Variants in VTI1A observed in about 807,000 individuals in gnomAD.
VTI1A encodes vesicle transport through interaction with t-SNAREs 1A.
VTI1A carries 22 observed loss-of-function variants against 34.9 expected under a neutral mutation model. That is an observed-to-expected ratio of 0.63 (90% confidence interval 0.45 to 0.90). The LOEUF is 0.90. Among genes scored for constraint, VTI1A ranks in the 40% least tolerant of loss-of-function variants. The pLI is 0.00. For missense variants in VTI1A, 268 were observed against 275.6 expected (o/e 0.97, Z 0.20); for synonymous variants, 87 against 97.3 (o/e 0.89, Z 0.62).
intron 7 of VTI1A, among the ~76,000 whole-genome samples, chr10:112,714,982 A>G (rs1849553551): frequency 6.6e-6 from 1 of 152,232 alleles, no homozygotes; most frequent in Admixed American, 6.5e-5. Flanking sequence ...ATTAAAACCA[A>G]AACTTACCCA....
intron 5 of VTI1A, among the ~76,000 whole-genome samples, chr10:112,566,416 G>C (rs1327707538): frequency 6.6e-6 from 1 of 152,056 alleles, no homozygotes; most frequent in African/African-American, 2.4e-5. Context: ...TAAATTTTAA[G>C]AATAATCAAA....
chr10:112,497,865 C>T (rs2134144523), intron 3 of VTI1A, among the ~76,000 whole-genome samples: 1 of 152,258 alleles, frequency 6.6e-6, no homozygotes, highest in South Asian at 2.1e-4. Flanking sequence ...CTCTCATGTA[C>T]AGTCTCACAT....
At chr10:112,716,505 G>A (rs1849619218) in intron 7 of VTI1A, among the ~76,000 whole-genome samples, 1 of 152,260 alleles carries the variant, frequency 6.6e-6, no homozygotes, top group South Asian at 2.1e-4. Flanking sequence ...CTAAGTTGGG[G>A]TTCCTGGAGT....
intron 5 of VTI1A, among the ~76,000 whole-genome samples, chr10:112,571,933 G>A (rs1852139811): frequency 6.6e-6 from 1 of 152,048 alleles, no homozygotes; most frequent in Non-Finnish European, 1.5e-5. Flanking sequence ...GCCAAACATT[G>A]GCTACTCATT....
the VTI1A span, among the ~76,000 whole-genome samples, chr10:112,837,786 G>T: frequency 6.6e-6 from 1 of 152,200 alleles, no homozygotes; most frequent in African/African-American, 2.4e-5. Flanking sequence ...GCTTTATAGG[G>T]AGAGTCTGGG....
chr10:112,545,658 G>T (rs942649377), intron 5 of VTI1A, among the ~76,000 whole-genome samples: 2 of 152,254 alleles, frequency 1.3e-5, no homozygotes, highest in Admixed American at 1.3e-4. Context: ...AAAATGCAGG[G>T]TCTTGGGTCC....
chr10:112,603,545 C>T (rs1400629129), intron 5 of VTI1A, among the ~76,000 whole-genome samples: 1 of 151,910 alleles, frequency 6.6e-6, no homozygotes, highest in Non-Finnish European at 1.5e-5. Context: ...TGATTTTTCC[C>T]AGTAGGTTTT....
At chr10:112,830,843 ATATATATTT>A in the VTI1A span, among the ~76,000 whole-genome samples, 4 of 45,214 alleles carry the variant, frequency 8.8e-5, no homozygotes, top group African/African-American at 3.7e-4. Context: ...ATATATATAT[ATATATATTT>A]TTTTTTTTTT....
intron 5 of VTI1A, among the ~76,000 whole-genome samples, chr10:112,608,587 G>T (rs1845176763): frequency 6.6e-6 from 1 of 152,032 alleles, no homozygotes; most frequent in African/African-American, 2.4e-5. Context: ...GGGGAAATAG[G>T]CCTTTTATAT....
chr10:112,597,509 C>T (rs1043854471), intron 5 of VTI1A, among the ~76,000 whole-genome samples: 10 of 152,288 alleles, frequency 6.6e-5, no homozygotes, highest in Admixed American at 2.6e-4. Context: ...TGAGCCACCA[C>T]ACCTGGCCTG....
chr10:112,507,193 G>A lies in VTI1A; in HGVS notation c.265-19894G>A, dbSNP rs1849460791. Among the ~76,000 whole-genome samples, 4 of 152,106 alleles carry A rather than the reference G, an allele frequency of 2.6e-5. No individual in the cohort carries two copies. In the South Asian group the frequency reaches 8.3e-4, roughly 32 times the overall value. On this transcript the variant is annotated intron_variant, in intron 3 of 7. Coordinates refer to ENST00000393077, the MANE Select transcript of VTI1A (RefSeq NM_145206.4). ...TCAGATGTCTTTAGGCTGGAGTTAGGATTCTCCTTTCAGCATCACTTAAGC... is the reference window on the plus strand; with the variant it reads ...TCAGATGTCTTTAGGCTGGAGTTAGAATTCTCCTTTCAGCATCACTTAAGC...
intron 7 of VTI1A, among the ~76,000 whole-genome samples, chr10:112,785,722 C>T (rs1852267512): frequency 6.6e-6 from 1 of 151,998 alleles, no homozygotes; most frequent in Non-Finnish European, 1.5e-5. Flanking sequence ...AATATGGGTA[C>T]CCAATTTCTC....
Position 112,629,841 on chromosome 10 carries a change from C to T in VTI1A, c.428-38377C>T, listed in dbSNP as rs145614561. Among the ~76,000 whole-genome samples the T allele has an allele frequency of 2.9e-3, 438 of 152,282 alleles. 1 individual carries two copies. The highest frequency in any genetic ancestry group is 0.01 in the African/African-American group (420 of 41,570). ...CATAAATCCACTGTGCTTCCAGCCT[C>T]ATATGAGCCAAATCTCCTAAACATG... is the stretch of plus-strand genomic sequence containing the variant. On this transcript the variant is annotated intron_variant, in intron 5 of 7. Coordinates refer to ENST00000393077, the MANE Select transcript of VTI1A (RefSeq NM_145206.4).
intron 3 of VTI1A, among the ~76,000 whole-genome samples, chr10:112,477,636 T>C (rs1304366822): frequency 6.6e-6 from 1 of 152,266 alleles, no homozygotes; most frequent in Non-Finnish European, 1.5e-5. Flanking sequence ...TTAGATTTTA[T>C]GCTTTGGAAA....
chr10:112,681,025 G>C (rs1361621269), intron 7 of VTI1A, among the ~76,000 whole-genome samples: 1 of 151,130 alleles, frequency 6.6e-6, no homozygotes, highest in Admixed American at 6.6e-5. Context: ...TTAATATAAT[G>C]TGAAAGCTTC....
chr10:112,681,078 CT>C (rs11371825), intron 7 of VTI1A, among the ~76,000 whole-genome samples: 331 of 140,922 alleles, frequency 2.3e-3, no homozygotes, highest in Non-Finnish European at 2.8e-3. Context: ...TTTTTCTTTT[CT>C]TTTTTTTTTT....
intron 5 of VTI1A, among the ~76,000 whole-genome samples, chr10:112,607,106 G>A (rs1845114535): frequency 6.6e-6 from 1 of 152,054 alleles, no homozygotes; most frequent in African/African-American, 2.4e-5. Flanking sequence ...GGCCAACATG[G>A]TGAAACCCTG....
chr10:112,484,597 G>A lies in VTI1A; in HGVS notation c.264+19940G>A, dbSNP rs533892092. ...CTTGTCAGAGCTGAAATGATTTATC[G>A]ATTTTCACTTACTTAATTAAGTTTT... On this transcript the variant is annotated intron_variant, in intron 3 of 7. Coordinates refer to ENST00000393077, the MANE Select transcript of VTI1A (RefSeq NM_145206.4). Among the ~76,000 whole-genome samples, 20 of 152,082 alleles carry A rather than the reference G, an allele frequency of 1.3e-4. No homozygotes were observed. The East Asian group carries it at 3.9e-3, about 29-fold the overall frequency.
At chr10:112,454,677 G>A (rs1034394237) in intron 1 of VTI1A, among the ~76,000 whole-genome samples, 4 of 149,592 alleles carry the variant, frequency 2.7e-5, no homozygotes, top group African/African-American at 9.9e-5. Flanking sequence ...TAAGACTTAT[G>A]TGTATGTACA....
Sources: allele counts gnomAD v4.1 joint callset (sites outside exome capture counted in the v4.1 genomes callset), GRCh38; gene constraint gnomAD v4.1.1; transcripts MANE v1.5; gene names NCBI Gene and HGNC (gene_info 2026-07-23, HGNC 2026-07-21).